FLCN: variants seen among roughly 807,000 people sequenced by gnomAD.
FLCN encodes the protein folliculin.
In FLCN, 22 loss-of-function variants were observed where a neutral mutation model predicts 62.5. The observed-to-expected ratio is 0.35, with a 90% CI of 0.25 to 0.50. FLCN has a LOEUF of 0.50. Ranked by LOEUF, FLCN falls within the 20% of genes least tolerant of loss-of-function variation. The pLI is 0.97. For missense variants in FLCN, 657 were observed against 778.0 expected, an observed-to-expected ratio of 0.84 and a Z score of 1.85; for synonymous variants, 319 against 310.0, an observed-to-expected ratio of 1.03 and a Z score of -0.30.
Position 17,216,336 on chromosome 17 carries a change from A to C in FLCN, c.1300+44T>G, listed in dbSNP as rs2144854715. The C allele has an allele frequency of 1.2e-6, 2 of 1,609,396 alleles. No individual in the cohort carries two copies. The highest frequency in any genetic ancestry group is 1.7e-6 in the Non-Finnish European group (2 of 1,177,460). The stretch of plus-strand genomic sequence containing the variant: ...CCACTTTGGGCCTGAGGCGTGGGGA[A>C]CCTCAGCGCAGGGCATGGCCCCACA... On this transcript the variant is annotated intron_variant, in intron 11 of 13. Coordinates refer to ENST00000285071, the MANE Select transcript of FLCN (RefSeq NM_144997.7). This position sits in a 1 kb window ranked among gnomAD's most constrained non-coding sequence, Gnocchi z 4.0.
chr17:17,229,942 C>T (rs191685339), intron 3 of FLCN, among the ~76,000 whole-genome samples: 70 of 152,306 alleles, frequency 4.6e-4, no homozygotes, highest in Non-Finnish European at 9.1e-4. Flanking sequence ...GTCTGAGGGA[C>T]ACCAAGCACT....
intron 2 of FLCN, among the ~76,000 whole-genome samples, chr17:17,232,123 C>T (rs1017116921): frequency 4.6e-5 from 7 of 152,228 alleles, no homozygotes; most frequent in Admixed American, 4.6e-4. Context: ...AGCAAAGATG[C>T]AGGCTGCAGG....
chr17:17,234,699 C>T lies in FLCN; in HGVS notation c.-227-1798G>A, dbSNP rs149324031. On this transcript the variant is annotated intron_variant, in intron 1 of 13. Transcript: ENST00000285071. ...TCTCTACTAAAAATAGAAAAATTGC[C>T]GGGTGTGGTGGCTCATGCTTGTAAT... is the stretch of plus-strand genomic sequence containing the variant. 1.6e-3 allele frequency among the ~76,000 whole-genome samples: 237 copies of T among 143,796 alleles called. 2 individuals carry two copies. Among genetic ancestry groups the T allele is most frequent in the South Asian group, 9.5e-4 (4 of 4,192 alleles). The allele number at this position is 143,796 out of a possible 152,430, so 94.3% of individuals were successfully genotyped here. A position where few individuals can be genotyped will look rare whatever the true frequency, so the allele number is the denominator to read the frequency against.
chr17:17,221,269 TTC>T (rs2047076048), intron 8 of FLCN: 2 of 1,545,346 alleles, frequency 1.3e-6, no homozygotes, highest in African/African-American at 2.7e-5. Context: ...AATCAGCCAG[TTC>T]TCTCTACAGA....
chr17:17,220,926 G>A (rs1463071019), intron 8 of FLCN: 1 of 286,754 alleles, frequency 3.5e-6, no homozygotes. Context: ...GCAAGCAGAA[G>A]CATGGGAAGC....
intron 1 of FLCN, among the ~76,000 whole-genome samples, chr17:17,236,596 A>G (rs1179729716): frequency 6.6e-6 from 1 of 152,146 alleles, no homozygotes; most frequent in Non-Finnish European, 1.5e-5. Context: ...GTGCTACCCT[A>G]TTAGCGCATC....
intron 5 of FLCN, 50 bp from the exon 6 acceptor site, chr17:17,224,193 C>A: frequency 6.7e-7 from 1 of 1,485,816 alleles, no homozygotes; most frequent in Non-Finnish European, 9.2e-7. Context: ...TTAGTGACAC[C>A]AAATCAAAGC....
chr17:17,224,076 G>A lies in FLCN; in HGVS notation c.464C>T (p.Thr155Ile), dbSNP rs2047178844. The A allele has an allele frequency of 6.2e-7, 1 of 1,613,424 alleles. No individual in the cohort carries two copies. The highest frequency in any genetic ancestry group is 8.5e-7 in the Non-Finnish European group (1 of 1,179,814). Residue 155 changes from threonine (T) to isoleucine (I), a missense_variant, in exon 6 of 14, where the codon ACC becomes ATC. Coordinates refer to ENST00000285071, the MANE Select transcript of FLCN (RefSeq NM_144997.7). ...GGCCAGGCTGTCCTTGATGAAGAAG[G>A]TGTGGCTGAACACAAAGCCGTGCTG... ...DEQHGFVFSH[T>I]FFIKDSLARG...
intron 13 of FLCN, 35 bp downstream of exon 13, chr17:17,214,950 G>A (rs1036053975): frequency 6.9e-6 from 11 of 1,602,206 alleles, no homozygotes; most frequent in African/African-American, 5.3e-5. Flanking sequence ...CTCCAGGGTC[G>A]CAAGCAAAGG....
rs569587785 is a variant in FLCN at position 17,215,279 on chromosome 17, A to G, written c.1338T>C (p.Arg446=). 4 of 1,614,102 alleles carry G rather than the reference A, an allele frequency of 2.5e-6. No homozygotes were observed. The South Asian group carries it at 4.4e-5, about 18-fold the overall frequency. Reference sequence around the variant, plus strand: ...CACACCCCACAGGGTGGAGGGTGGAACGTGCGGCTGCGTGGACCTCCACGA... The same window carrying G: ...CACACCCCACAGGGTGGAGGGTGGAGCGTGCGGCTGCGTGGACCTCCACGA... ...AVIVEVHAAA[R]STLHPVGCED... Residue 446 remains arginine, a synonymous_variant, in exon 12 of 14, where the codon CGT becomes CGC. Coordinates refer to ENST00000285071, the MANE Select transcript of FLCN (RefSeq NM_144997.7).
chr17:17,231,027 T>A (rs2047405828), intron 3 of FLCN, among the ~76,000 whole-genome samples: 2 of 151,866 alleles, frequency 1.3e-5, no homozygotes, highest in Non-Finnish European at 2.9e-5. Context: ...CAAAACCCCA[T>A]TTCTACTACA....
rs147093728 is a variant in FLCN, at chr17:17,226,458, T to C, written c.250-136A>G. 18 of 1,042,218 alleles carry C rather than the reference T, an allele frequency of 1.7e-5. No individual in the cohort carries two copies. The highest frequency in any genetic ancestry group is 2.8e-4 in the Middle Eastern group (1 of 3,510). 64.6% of individuals were successfully genotyped at this position (1,042,218 alleles called of 1,614,324 possible). A position where few individuals can be genotyped will look rare whatever the true frequency, so the allele number is the denominator to read the frequency against. Reference sequence around the variant, plus strand: ...TAATTGGCTTCCAGATTTATACTTATCTGAAGATTTAAATGTTTCCTAAAG... The same window carrying C: ...TAATTGGCTTCCAGATTTATACTTACCTGAAGATTTAAATGTTTCCTAAAG... On this transcript the variant is annotated intron_variant, in intron 4 of 13. Coordinates refer to ENST00000285071, the MANE Select transcript of FLCN (RefSeq NM_144997.7).
In FLCN at chr17:17,227,897, T is replaced by C. The variant is rs745521431; in HGVS notation, c.241A>G (p.Met81Val). The C allele has an allele frequency of 1.9e-6, 3 of 1,614,146 alleles. No individual in the cohort carries two copies. Among genetic ancestry groups the C allele is most frequent in the Non-Finnish European group, 2.5e-6 (3 of 1,180,034 alleles). ...ACCCCAAAGACACTTGCCTCGCACATGTCCGACTTTTTGGGCCCCGGGCTG... is the reference window on the plus strand; with the variant it reads ...ACCCCAAAGACACTTGCCTCGCACACGTCCGACTTTTTGGGCCCCGGGCTG... ...SSSPGPKKSDMCEGCRSLAAG... is the reference protein window; with the variant it reads ...SSSPGPKKSDVCEGCRSLAAG... The change falls in exon 4 of 14, where the codon ATG (methionine) becomes GTG (valine). Residue 81 changes from methionine to valine, a missense_variant. Coordinates refer to ENST00000285071, the MANE Select transcript of FLCN (RefSeq NM_144997.7).
At chr17:17,221,729 T>A in intron 7 of FLCN, 101 bp from the exon 8 acceptor site, 2 of 1,313,216 alleles carry the variant, frequency 1.5e-6, no homozygotes, top group South Asian at 1.3e-5. Flanking sequence ...AAAAAATGGG[T>A]ATAAAAGAAC....
chr17:17,232,326 T>C (rs1012340789), intron 2 of FLCN, among the ~76,000 whole-genome samples: 1 of 152,168 alleles, frequency 6.6e-6, no homozygotes, highest in African/African-American at 2.4e-5. Flanking sequence ...ATCGCAGAAC[T>C]GCGCCTCCAA....
intron 2 of FLCN, among the ~76,000 whole-genome samples, 168 bp from the exon 3 acceptor site, chr17:17,232,050 G>A (rs1021048331): frequency 1.1e-4 from 17 of 152,214 alleles, no homozygotes; most frequent in African/African-American, 3.4e-4. Flanking sequence ...GACAGGCAGC[G>A]GGAGAGGAAA....
intron 11 of FLCN, among the ~76,000 whole-genome samples, chr17:17,215,724 CGGAAAAAAGG>C (rs1215549973): frequency 6.6e-6 from 1 of 152,106 alleles, no homozygotes; most frequent in Non-Finnish European, 1.5e-5. Context: ...CAATGCTACC[CGGAAAAAAGG>C]CACTGCCTCG....
chr17:17,215,759 C>G (rs1219382395), intron 11 of FLCN, among the ~76,000 whole-genome samples: 1 of 152,102 alleles, frequency 6.6e-6, no homozygotes, highest in Non-Finnish European at 1.5e-5. Context: ...GAGTCAGGAC[C>G]CAGCCTGGGT....
rs531459106 is a variant in FLCN, at chr17:17,214,993, C to G, written c.1530G>C (p.Glu510Asp). 1 of 1,614,086 alleles carries G rather than the reference C, an allele frequency of 6.2e-7. No individual in the cohort carries two copies. The highest frequency in any genetic ancestry group is 1.1e-5 in the South Asian group (1 of 91,074). The change falls in exon 13 of 14, where the codon GAG becomes GAC. Residue 510 changes from glutamate to aspartate, a missense_variant. Coordinates refer to ENST00000285071, the MANE Select transcript of FLCN (RefSeq NM_144997.7). ...VDQCLVCLKE[E>D]WMNKVKVLFK... ...CCCACACTGTTGCTTACTTCATCCA[C>G]TCCTCCTTGAGGCAGACGAGGCACT... is the stretch of plus-strand genomic sequence containing the variant.
Sources: allele counts gnomAD v4.1 joint callset (sites outside exome capture counted in the v4.1 genomes callset), GRCh38; gene constraint gnomAD v4.1.1; non-coding constraint Gnocchi (gnomAD v3.1); transcripts MANE v1.5; gene names NCBI Gene and HGNC (gene_info 2026-07-23, HGNC 2026-07-21).